Variants in MYOCD observed in about 807,000 individuals in gnomAD.
MYOCD encodes myocardin.
Under a neutral mutation model 96.1 loss-of-function variants are expected in MYOCD, and 32 were observed. That is an observed-to-expected ratio of 0.33 (90% CI 0.25 to 0.45). The LOEUF (loss-of-function observed/expected upper bound fraction) is 0.45. Among genes scored for constraint, MYOCD ranks in the 20% least tolerant of loss-of-function variants. The probability of loss-of-function intolerance (pLI) is 1.00; values close to 1 mark genes in which losing one functional copy is unlikely to be tolerated. For synonymous variants in MYOCD, 469 were observed against 469.0 expected (o/e 1.00, Z 0.00); for missense variants, 1,133 against 1,200.6 (o/e 0.94, Z 0.83).
chr17:12,723,920 A>G (rs529049812), intron 5 of MYOCD, among the ~76,000 whole-genome samples: 1 of 152,346 alleles, frequency 6.6e-6, no homozygotes, highest in African/African-American at 2.4e-5. Flanking sequence ...TTCACATTCT[A>G]AAATCTTGCT....
chr17:12,670,973 C>G (rs914354361), intron 1 of MYOCD, among the ~76,000 whole-genome samples: 1 of 152,184 alleles, frequency 6.6e-6, no homozygotes, highest in Non-Finnish European at 1.5e-5. Context: ...AGCTCCCATG[C>G]CCTTCCCTCA....
At chr17:12,721,532 TAAGCC>T (rs201334468) in intron 4 of MYOCD, among the ~76,000 whole-genome samples, 4,747 of 152,160 alleles carry the variant, frequency 0.031, 99 homozygotes, top group South Asian at 0.064. Flanking sequence ...GGAAAGGAAA[TAAGCC>T]AAGGTGCAAA....
intron 1 of MYOCD, among the ~76,000 whole-genome samples, chr17:12,676,121 G>A (rs1910021832): frequency 6.6e-6 from 1 of 151,968 alleles, no homozygotes; most frequent in African/African-American, 2.4e-5. Context: ...TAATAAAGTA[G>A]GCAAAGATTT....
chr17:12,666,593 G>A (rs1909388786), intron 1 of MYOCD, among the ~76,000 whole-genome samples: 1 of 152,290 alleles, frequency 6.6e-6, no homozygotes, highest in Middle Eastern at 3.4e-3. Flanking sequence ...GCGTAGTATC[G>A]GTTATAATCG....
chr17:12,716,178 T>G (rs1421937295), intron 3 of MYOCD, among the ~76,000 whole-genome samples: 1 of 152,082 alleles, frequency 6.6e-6, no homozygotes, highest in East Asian at 1.9e-4. Context: ...GCAAAGAGAG[T>G]ATCTGCCTGC....
intron 1 of MYOCD, among the ~76,000 whole-genome samples, chr17:12,679,489 T>C (rs1342115634): frequency 6.6e-6 from 1 of 152,232 alleles, no homozygotes; most frequent in African/African-American, 2.4e-5. Flanking sequence ...TTCAAAACCT[T>C]GTGTCTAACA....
chr17:12,763,524 T>C lies in MYOCD; in HGVS notation c.2841T>C (p.Asn947=). The C allele has an allele frequency of 6.2e-7, 1 of 1,614,190 alleles. No individual in the cohort carries two copies. Among genetic ancestry groups the C allele is most frequent in the Non-Finnish European group, 8.5e-7 (1 of 1,180,026 alleles). Residue 947 remains asparagine (N), a synonymous_variant, in exon 14 of 14, where the codon AAT becomes AAC. Transcript: ENST00000425538. ...AGTGGCTGGACCTCACTCCGCCAAA[T>C]TCCACACCAGGCTTTAGCGCCCTCA... ...TMEWLDLTPP[N]STPGFSALTT... is the part of the protein sequence containing the mutation.
rs180709581 is a variant in MYOCD at position 12,673,367 on chromosome 17, T to C, written c.55+7124T>C. Among the ~76,000 whole-genome samples, 383 of 152,306 alleles carry C rather than the reference T, an allele frequency of 2.5e-3. 1 individual carries two copies. The highest frequency in any genetic ancestry group is 0.01 in the South Asian group (49 of 4,816). On this transcript the variant is annotated intron_variant, in intron 1 of 13. Transcript: ENST00000425538. ...GTGTTCTCTTTCTGTCCTGGTCCAGTTGCATAAAGATTTTTACAACGTGAT... is the reference window on the plus strand; with the variant it reads ...GTGTTCTCTTTCTGTCCTGGTCCAGCTGCATAAAGATTTTTACAACGTGAT...
chr17:12,755,550 A>G (rs1245968180), intron 10 of MYOCD, among the ~76,000 whole-genome samples: 1 of 151,872 alleles, frequency 6.6e-6, no homozygotes, highest in African/African-American at 2.4e-5. Flanking sequence ...AGACCAGCCT[A>G]GCCAATATGG....
intron 10 of MYOCD, among the ~76,000 whole-genome samples, 161 bp downstream of exon 10, chr17:12,753,507 G>A (rs2032923859): frequency 6.6e-6 from 1 of 152,184 alleles, no homozygotes; most frequent in Non-Finnish European, 1.5e-5. Context: ...CCTCATGGTA[G>A]ACCAAACTCA....
rs185242821 is a variant in MYOCD at position 12,689,158 on chromosome 17, G to T, written c.56-15970G>T. Among the ~76,000 whole-genome samples the T allele has an allele frequency of 4.6e-5, 7 of 152,002 alleles. No individual in the cohort carries two copies. In the East Asian group the frequency reaches 1.4e-3, roughly 29 times the overall value. ...TAAAATCCTCAGTACATTTAGAATT[G>T]ACTCACACTCCGATTTAATCAGATG... is the stretch of plus-strand genomic sequence containing the variant. On this transcript the variant is annotated intron_variant, in intron 1 of 13. Transcript: ENST00000425538.
chr17:12,741,943 C>G (rs1318677345), intron 7 of MYOCD, among the ~76,000 whole-genome samples: 2 of 151,948 alleles, frequency 1.3e-5, no homozygotes, highest in Non-Finnish European at 2.9e-5. Context: ...GTAATAGTAG[C>G]CTTTACCCCA....
intron 2 of MYOCD, among the ~76,000 whole-genome samples, chr17:12,709,806 ACCTATTGGG>A (rs1337481341): frequency 6.6e-6 from 1 of 152,012 alleles, no homozygotes; most frequent in Non-Finnish European, 1.5e-5. Flanking sequence ...CCTTCCCTAG[ACCTATTGGG>A]CCTGTTCATC....
chr17:12,697,359 A>ATATTTTTTT (rs1427225443), intron 1 of MYOCD, among the ~76,000 whole-genome samples: 1 of 75,738 alleles, frequency 1.3e-5, no homozygotes, highest in African/African-American at 6.0e-5. Context: ...ATATATATAT[A>ATATTTTTTT]TTTTTTTTTT....
At position 12,743,745 on chromosome 17, in the gene MYOCD, G is replaced by A. The variant is rs544663404; in HGVS notation, c.718-438G>A. 4.7e-4 allele frequency among the ~76,000 whole-genome samples: 72 copies of A among 152,076 alleles called. No individual in the cohort carries two copies. In the East Asian group the frequency reaches 6.2e-3, roughly 13 times the overall value. ...TGACTTCAGGTGATCCACCCGCCTC[G>A]GCCTCCCAAAGTGTTGGCATTGGCA... On this transcript the variant is annotated intron_variant, in intron 7 of 13. Coordinates refer to ENST00000425538, the MANE Select transcript of MYOCD (RefSeq NM_001146312.3).
chr17:12,673,822 G>T (rs1187228148), intron 1 of MYOCD, among the ~76,000 whole-genome samples: 2 of 152,168 alleles, frequency 1.3e-5, no homozygotes, highest in African/African-American at 4.8e-5. Flanking sequence ...TCTATTTGGC[G>T]ATGAATGCTT....
rs1043671382 is a variant in MYOCD at position 12,763,701 on chromosome 17, A to G, written c.*57A>G. 2.1e-6 allele frequency: 3 copies of G among 1,427,930 alleles called. No individual in the cohort carries two copies. The East Asian group carries it at 6.9e-5, about 33-fold the overall frequency. 88.5% of individuals were successfully genotyped at this position (1,427,930 alleles called of 1,614,324 possible). A position where few individuals can be genotyped will look rare whatever the true frequency, so the allele number is the denominator to read the frequency against. Reference sequence around the variant, plus strand: ...AATGGAGTTCCATGGGGGAAAGCACACAGCCATACATACTTTACTGTCCAA... The same window carrying G: ...AATGGAGTTCCATGGGGGAAAGCACGCAGCCATACATACTTTACTGTCCAA... On this transcript the variant is annotated 3_prime_UTR_variant, in exon 14 of 14. Coordinates refer to ENST00000425538, the MANE Select transcript of MYOCD (RefSeq NM_001146312.3).
At chr17:12,730,566 C>G (rs928068184) in intron 5 of MYOCD, among the ~76,000 whole-genome samples, 1 of 152,218 alleles carries the variant, frequency 6.6e-6, no homozygotes, top group East Asian at 1.9e-4. Context: ...CATCTGATCG[C>G]TTTCCAGAGC....
intron 4 of MYOCD, among the ~76,000 whole-genome samples, chr17:12,722,057 A>G (rs559184051): frequency 3.3e-5 from 5 of 152,272 alleles, no homozygotes; most frequent in African/African-American, 1.2e-4. Flanking sequence ...GGGCTAAGGG[A>G]CTTGTCTGTA....
Sources: gnomAD v4.1 joint callset for allele counts (sites outside exome capture counted in the v4.1 genomes callset) on GRCh38, gnomAD v4.1.1 for gene constraint, MANE v1.5 for transcripts, NCBI Gene and HGNC (gene_info 2026-07-23, HGNC 2026-07-21) for gene names.